Variants in FAHD1 observed in about 807,000 individuals in gnomAD.
The protein encoded by FAHD1 is oxaloacetate tautomerase FAHD1, mitochondrial.
Under a neutral mutation model 12.7 loss-of-function variants are expected in FAHD1, and 14 were observed. The observed-to-expected ratio is 1.10, with a 90% CI of 0.73 to 1.72. The LOEUF is 1.72. Ranked by LOEUF, FAHD1 falls within the 40% of genes most tolerant of loss-of-function variation. FAHD1 has a pLI of 0.00. For missense variants in FAHD1, 351 were observed against 298.9 expected (o/e 1.17, Z -1.29); for synonymous variants, 153 against 124.9 (o/e 1.22, Z -1.50).
exon 1 of FAHD1, chr16:1,827,238 C>T (rs779845810): frequency 1.2e-6 from 2 of 1,601,080 alleles, no homozygotes; most frequent in Non-Finnish European, 1.7e-6. Context: ...TGATGGGAAT[C>T]ATGGCAGCAT....
chr16:1,827,565 CAAG>C (rs767397644), exon 1 of FAHD1: 21 of 1,613,330 alleles, frequency 1.3e-5, no homozygotes, highest in African/African-American at 2.7e-5. Context: ...AGGACGAGTG[CAAG>C]AAGAAGGGGC....
chr16:1,837,992 T>G (rs1452448168), intron 1 of FAHD1: 2 of 1,445,774 alleles, frequency 1.4e-6, no homozygotes, highest in Non-Finnish European at 1.8e-6. Context: ...TAATTACAGC[T>G]CAATCGTTTG....
chr16:1,833,052 G>C (rs1324363015), downstream of FAHD1, among the ~76,000 whole-genome samples: 1 of 151,964 alleles, frequency 6.6e-6, no homozygotes, highest in Non-Finnish European at 1.5e-5. Flanking sequence ...TGTGGTGGAG[G>C]GCATGTAGCC....
At chr16:1,831,236 T>C (rs999138179), downstream of FAHD1, among the ~76,000 whole-genome samples, 4 of 152,208 alleles carry the variant, frequency 2.6e-5, no homozygotes, top group African/African-American at 9.6e-5. Flanking sequence ...CAGGTACCCC[T>C]TTTTAATGGC....
At chr16:1,827,474 G>A (rs1471842782) in exon 1 of FAHD1, 1 of 1,611,634 alleles carries the variant, frequency 6.2e-7, no homozygotes, top group South Asian at 1.1e-5. Context: ...GGCAAGCGCT[G>A]CCGCGCAGTC....
exon 3 of FAHD1, chr16:1,839,327 C>T: frequency 6.2e-7 from 1 of 1,614,134 alleles, no homozygotes; most frequent in Non-Finnish European, 8.5e-7. Flanking sequence ...TGTGATCAGT[C>T]AGATCAATCA....
chr16:1,827,701 C>T lies in FAHD1; in HGVS notation c.463C>T (p.Gln155Ter), dbSNP rs756417278. 1.2e-6 allele frequency: 2 copies of T among 1,614,036 alleles called. No homozygotes were observed. The highest frequency in any genetic ancestry group is 1.3e-5 in the African/African-American group (1 of 74,934). ...GCTCAAGGTCAACGGCGAACTCAGA[C>T]AGGAGGGTGAGACATCCTCCATGAT... The change falls in exon 1 of 1, where the codon CAG becomes TAG. Residue 155 changes from glutamine to a stop codon, truncating the protein, a stop_gained. Coordinates refer to ENST00000427358, the Ensembl canonical transcript of FAHD1. LOFTEE classifies it high-confidence loss of function.
chr16:1,829,013 C>A, downstream of FAHD1: 1 of 715,974 alleles, frequency 1.4e-6, no homozygotes, highest in Non-Finnish European at 1.7e-6. Flanking sequence ...GCCTTCTGAG[C>A]ACTGTGCTGT....
downstream of FAHD1, among the ~76,000 whole-genome samples, chr16:1,833,554 C>CTTTTT (rs769668788): frequency 2.8e-3 from 323 of 114,268 alleles, 12 homozygotes; most frequent in East Asian, 0.062. Flanking sequence ...TTTAGAGGTA[C>CTTTTT]TTTTTTTTTT....
At chr16:1,832,836 AG>A (rs1351697670), downstream of FAHD1, among the ~76,000 whole-genome samples, 3 of 152,054 alleles carry the variant, frequency 2.0e-5, no homozygotes, top group Admixed American at 2.0e-4. Flanking sequence ...TCCCCAAGGG[AG>A]GATGGAAGGC....
chr16:1,839,300 G>A, exon 3 of FAHD1: 2 of 1,613,992 alleles, frequency 1.2e-6, no homozygotes, highest in Non-Finnish European at 8.5e-7. Flanking sequence ...TGAGACTACA[G>A]GAATGAAGGG....
At chr16:1,831,104 G>T (rs1567269256), downstream of FAHD1, among the ~76,000 whole-genome samples, 1 of 152,152 alleles carries the variant, frequency 6.6e-6, no homozygotes, top group Non-Finnish European at 1.5e-5. Flanking sequence ...AGAATATATG[G>T]TTTGACATCT....
Position 1,828,658 on chromosome 16 carries a change from G to A in FAHD1, c.*754G>A, listed in dbSNP as rs1238218374. On this transcript the variant is annotated 3_prime_UTR_variant, in exon 1 of 1. Coordinates refer to ENST00000427358, the Ensembl canonical transcript of FAHD1. ...TCTCCACAAATTACTGGCCCATCTCGGACTTGCTGAATCAATTTGATAGGA... is the reference window on the plus strand; with the variant it reads ...TCTCCACAAATTACTGGCCCATCTCAGACTTGCTGAATCAATTTGATAGGA... 8 of 950,470 alleles carry A rather than the reference G, an allele frequency of 8.4e-6. No individual in the cohort carries two copies. In the Admixed American group the frequency reaches 2.5e-4, roughly 29 times the overall value. The allele number at this position is 950,470 out of a possible 1,614,324, so 58.9% of individuals were successfully genotyped here. A position where few individuals can be genotyped will look rare whatever the true frequency, so the allele number is the denominator to read the frequency against.
At chr16:1,830,564 G>C (rs1898601008), downstream of FAHD1, among the ~76,000 whole-genome samples, 1 of 152,214 alleles carries the variant, frequency 6.6e-6, no homozygotes, top group African/African-American at 2.4e-5. Flanking sequence ...CCTGGGGTCA[G>C]TGTTCACCAC....
exon 1 of FAHD1, chr16:1,827,980 T>G: frequency 6.5e-7 from 1 of 1,547,930 alleles, no homozygotes; most frequent in Non-Finnish European, 8.7e-7. Flanking sequence ...TCACAATCCT[T>G]TAATTAGAAA....
At chr16:1,827,736 C>T (rs958523576) in exon 1 of FAHD1, 47 of 1,614,028 alleles carry the variant, frequency 2.9e-5, no homozygotes, top group Non-Finnish European at 4.0e-5. Flanking sequence ...TTTTTTCCAT[C>T]CCCTACATCA....
chr16:1,827,401 C>A (rs756942777), exon 1 of FAHD1: 1 of 1,611,282 alleles, frequency 6.2e-7, no homozygotes, highest in African/African-American at 1.3e-5. Flanking sequence ...CGAGGGCTCG[C>A]CCATCCTCAT....
chr16:1,831,737 C>T (rs778733262), downstream of FAHD1, among the ~76,000 whole-genome samples: 4 of 152,158 alleles, frequency 2.6e-5, no homozygotes, highest in East Asian at 3.8e-4. Context: ...TGAGCATTCC[C>T]GCCCGAGTTC....
At chr16:1,838,951 C>G (rs981441679) in intron 2 of FAHD1, among the ~76,000 whole-genome samples, 1 of 152,222 alleles carries the variant, frequency 6.6e-6, no homozygotes, top group Non-Finnish European at 1.5e-5. Context: ...CTTGGCCTCC[C>G]AAAGTGCTGA....
Sources: allele counts gnomAD v4.1 joint callset (sites outside exome capture counted in the v4.1 genomes callset), GRCh38; gene constraint gnomAD v4.1.1; transcripts MANE v1.5; gene names NCBI Gene and HGNC (gene_info 2026-07-23, HGNC 2026-07-21).